KHSRP: variants seen among roughly 807,000 people sequenced by gnomAD.
KHSRP encodes far upstream element-binding protein 2.
In KHSRP, 13 loss-of-function variants were observed where a neutral mutation model predicts 94.9. The observed-to-expected ratio is 0.14, with a 90% CI of 0.09 to 0.22. The LOEUF is 0.22. KHSRP is among the 10% of genes least tolerant of loss of function. The pLI, the probability that KHSRP is intolerant of heterozygous loss-of-function variation, is 1.00. For missense variants in KHSRP, 710 were observed against 1,010.0 expected, an observed-to-expected ratio of 0.70 and a Z score of 4.03; for synonymous variants, 495 against 401.4, an observed-to-expected ratio of 1.23 and a Z score of -2.79.
Position 6,415,438 on chromosome 19 carries a change from G to A in KHSRP, c.1908C>T (p.Pro636=), listed in dbSNP as rs772649819. Residue 636 remains proline (P), a synonymous_variant, in exon 18 of 19, where the codon CCC becomes CCT. Coordinates refer to ENST00000600480, the MANE Select transcript of KHSRP (RefSeq NM_001366299.1). Reference sequence around the variant, plus strand: ...TGTAGTCCTGCTGTGGGGGTGCTCCGGGCTGCTGGGGCTGCTGGCCTGTGC... The same window carrying A: ...TGTAGTCCTGCTGTGGGGGTGCTCCAGGCTGCTGGGGCTGCTGGCCTGTGC... ...YKKIGQQPQQ[P]GAPPQQDYTK... 52 of 1,565,390 alleles carry A rather than the reference G, an allele frequency of 3.3e-5. No homozygotes were observed. The highest frequency in any genetic ancestry group is 8.1e-5 in the African/African-American group (6 of 73,734).
chr19:6,421,485 C>T (rs1343175521), intron 3 of KHSRP, 165 bp downstream of exon 3: 4 of 1,002,918 alleles, frequency 4.0e-6, no homozygotes, highest in Non-Finnish European at 6.1e-6. Context: ...AGCTCATCTC[C>T]CTCAATTTCA....
At chr19:6,417,954 G>A (rs371343408) in intron 10 of KHSRP, 27 bp downstream of exon 10, 61 of 1,608,422 alleles carry the variant, frequency 3.8e-5, no homozygotes, top group Non-Finnish European at 5.0e-5. Context: ...CGGGGGAGAG[G>A]GGGGTGAAGG....
In KHSRP at chr19:6,413,420, T is replaced by C; in HGVS notation, c.*1604A>G. On this transcript the variant is annotated 3_prime_UTR_variant, in exon 19 of 19. Transcript: ENST00000600480. Reference sequence around the variant, plus strand: ...AGTAAAAACTGCCATACAATTTTTTTTGTTGTTCTCATTTTGTTTTCAGTT... The same window carrying C: ...AGTAAAAACTGCCATACAATTTTTTCTGTTGTTCTCATTTTGTTTTCAGTT... The C allele has an allele frequency of 2.4e-6, 1 of 415,100 alleles. No individual in the cohort carries two copies. Among genetic ancestry groups the C allele is most frequent in the South Asian group, 1.7e-5 (1 of 59,650 alleles). The allele number at this position is 415,100 out of a possible 1,614,324, so 25.7% of individuals were successfully genotyped here. A position where few individuals can be genotyped will look rare whatever the true frequency, so the allele number is the denominator to read the frequency against.
chr19:6,417,197 C>T (rs1029566159), intron 11 of KHSRP, 110 bp from the exon 12 acceptor site: 15 of 773,612 alleles, frequency 1.9e-5, no homozygotes, highest in Middle Eastern at 3.8e-4. Flanking sequence ...AGATCTCAGA[C>T]GCGCTGCGCC....
At position 6,416,625 on chromosome 19, in the gene KHSRP, G is replaced by A; in HGVS notation, c.1353C>T (p.Asn451=). The change falls in exon 14 of 19, where the codon AAC becomes AAT. Residue 451 remains asparagine, a synonymous_variant. Coordinates refer to ENST00000600480, the MANE Select transcript of KHSRP (RefSeq NM_001366299.1). ...GRGGENVKAI[N]QQTGAFVEIS... is the part of the protein sequence containing the mutation. ...TCTCTACGAAGGCTCCCGTCTGCTGGTTTATGGCTTTCACATTCTCGCCAC... is the reference window on the plus strand; with the variant it reads ...TCTCTACGAAGGCTCCCGTCTGCTGATTTATGGCTTTCACATTCTCGCCAC... 1 of 1,613,916 alleles carries A rather than the reference G, an allele frequency of 6.2e-7. No individual in the cohort carries two copies. Among genetic ancestry groups the A allele is most frequent in the Non-Finnish European group, 8.5e-7 (1 of 1,179,810 alleles).
Position 6,418,671 on chromosome 19 carries a change from G to A in KHSRP, c.780+31C>T, listed in dbSNP as rs1213411889. 1 of 1,613,774 alleles carries A rather than the reference G, an allele frequency of 6.2e-7. No homozygotes were observed. Among genetic ancestry groups the A allele is most frequent in the Non-Finnish European group, 8.5e-7 (1 of 1,179,736 alleles). On this transcript the variant is annotated intron_variant, in intron 8 of 18. Coordinates refer to ENST00000600480, the MANE Select transcript of KHSRP (RefSeq NM_001366299.1). The surrounding 1 kb of genome is among the most constrained non-coding windows in gnomAD (Gnocchi z 4.3). ...TGGCGGTGGGGTGTGGCACACGGAT[G>A]CAGAGGAAGCTGCCCAGGTGCTGCC...
intron 1 of KHSRP, among the ~76,000 whole-genome samples, chr19:6,422,789 C>G (rs976920180): frequency 6.6e-6 from 1 of 152,164 alleles, no homozygotes; most frequent in East Asian, 1.9e-4. Flanking sequence ...AGCTTTCAGA[C>G]ACTTCCTCCT....
At chr19:6,423,599 CAAGGGTG>C (rs2092208262) in intron 1 of KHSRP, among the ~76,000 whole-genome samples, 1 of 152,218 alleles carries the variant, frequency 6.6e-6, no homozygotes, top group East Asian at 1.9e-4. Context: ...CACCCAACTC[CAAGGGTG>C]AGAGAGACGA....
chr19:6,423,634 G>C lies in KHSRP; in HGVS notation c.249+819C>G, dbSNP rs149071113. ...AGAGACGACAGAGGGCCAGAACACA[G>C]GCGTTCACTTAACGGGACCTCCCAC... On this transcript the variant is annotated intron_variant, in intron 1 of 18. Transcript: ENST00000600480. 2.8e-4 allele frequency among the ~76,000 whole-genome samples: 42 copies of C among 152,314 alleles called. 1 individual carries two copies. The highest frequency in any genetic ancestry group is 9.9e-4 in the African/African-American group (41 of 41,578).
intron 1 of KHSRP, among the ~76,000 whole-genome samples, chr19:6,422,731 AG>A (rs1291005938): frequency 3.3e-5 from 5 of 152,124 alleles, no homozygotes; most frequent in Non-Finnish European, 7.4e-5. Context: ...AGGGGTGACA[AG>A]GAACAGAGGC....
Position 6,422,353 on chromosome 19 carries a change from C to T in KHSRP, c.333G>A (p.Gln111=), listed in dbSNP as rs1435186990. ...GCAGGGAGTTACCTCCATCTTCCAA[C>T]TGTCTCTTTTGGCCCCCAAAACCAA... ...PDFGFGGQKR[Q]LEDGDQPESK... The change falls in exon 2 of 19, where the codon CAG becomes CAA. Residue 111 remains glutamine, a synonymous_variant. Transcript: ENST00000600480. The T allele has an allele frequency of 6.2e-7, 1 of 1,612,830 alleles. No homozygotes were observed. The highest frequency in any genetic ancestry group is 8.5e-7 in the Non-Finnish European group (1 of 1,178,842).
Position 6,414,892 on chromosome 19 carries a change from A to G in KHSRP, c.*132T>C. ...AGTCTCAGCGCTCCCCAGCATCACGACAGCGGCACACAGGAACAAGCAGCC... is the reference window on the plus strand; with the variant it reads ...AGTCTCAGCGCTCCCCAGCATCACGGCAGCGGCACACAGGAACAAGCAGCC... On this transcript the variant is annotated 3_prime_UTR_variant, in exon 19 of 19. Transcript: ENST00000600480. The G allele has an allele frequency of 7.3e-7, 1 of 1,370,316 alleles. No homozygotes were observed. The highest frequency in any genetic ancestry group is 9.4e-7 in the Non-Finnish European group (1 of 1,065,854). The allele number at this position is 1,370,316 out of a possible 1,614,324, so 84.9% of individuals were successfully genotyped here. A position where few individuals can be genotyped will look rare whatever the true frequency, so the allele number is the denominator to read the frequency against.
In KHSRP at chr19:6,418,895, G is replaced by A. The variant is rs891685207; in HGVS notation, c.606-19C>T. The A allele has an allele frequency of 2.6e-6, 4 of 1,528,382 alleles. No individual in the cohort carries two copies. The highest frequency in any genetic ancestry group is 3.5e-6 in the Non-Finnish European group (4 of 1,144,584). 94.7% of individuals were successfully genotyped at this position (1,528,382 alleles called of 1,614,324 possible). The stretch of plus-strand genomic sequence containing the variant: ...GGCTTTCCTGGGAAGGGGAGGAGCG[G>A]GGGATGAGCGGGTGCCACCGCTGGA... On this transcript the variant is annotated intron_variant, in intron 7 of 18. Coordinates refer to ENST00000600480, the MANE Select transcript of KHSRP (RefSeq NM_001366299.1). The surrounding 1 kb of genome is among the most constrained non-coding windows in gnomAD (Gnocchi z 4.3).
Position 6,424,784 on chromosome 19 carries a change from C to T in KHSRP, c.-83G>A, listed in dbSNP as rs1351783161. The T allele has an allele frequency of 6.4e-6, 3 of 468,620 alleles. No individual in the cohort carries two copies. Among genetic ancestry groups the T allele is most frequent in the Admixed American group, 1.3e-4 (2 of 15,928 alleles). 29.0% of individuals were successfully genotyped at this position (468,620 alleles called of 1,614,324 possible). ...CGGCGGCTCAACGCGGGAACAAGGC[C>T]TCGCTCCACACGGCCGCGGAGCACT... On this transcript the variant is annotated 5_prime_UTR_variant, in exon 1 of 19. Transcript: ENST00000600480.
Position 6,418,091 on chromosome 19 carries a change from C to A in KHSRP, c.880-12G>T, listed in dbSNP as rs527799372. The A allele has an allele frequency of 1.4e-4, 233 of 1,612,842 alleles. No individual in the cohort carries two copies. The highest frequency in any genetic ancestry group is 3.0e-4 in the Admixed American group (18 of 59,988). On this transcript the variant is annotated splice_polypyrimidine_tract_variant and intron_variant, in intron 9 of 18. Coordinates refer to ENST00000600480, the MANE Select transcript of KHSRP (RefSeq NM_001366299.1). The surrounding 1 kb of genome is among the most constrained non-coding windows in gnomAD (Gnocchi z 4.3). ...ATCTCACAGGCTTGCTGCAAACACA[C>A]AGGAAGCAGCCCCCATGGGTGAGCC...
chr19:6,418,415 GACCGCTGGCCCTGCCC>G lies in KHSRP; in HGVS notation c.879+52_879+67del. Reference sequence around the variant, plus strand: ...CTCTCTGGCGGAATGCAGACCCCGAGACCGCTGGCCCTGCCCACCTGCCCGTGCCTCTCCAGAACCC... The same window carrying G: ...CTCTCTGGCGGAATGCAGACCCCGAGACCTGCCCGTGCCTCTCCAGAACCC... On this transcript the variant is annotated intron_variant, in intron 9 of 18. Coordinates refer to ENST00000600480, the MANE Select transcript of KHSRP (RefSeq NM_001366299.1). This position sits in a 1 kb window ranked among gnomAD's most constrained non-coding sequence, Gnocchi z 4.3. The G allele has an allele frequency of 8.7e-7, 1 of 1,146,772 alleles. No homozygotes were observed. Among genetic ancestry groups the G allele is most frequent in the Non-Finnish European group, 1.3e-6 (1 of 769,214 alleles). The allele number at this position is 1,146,772 out of a possible 1,614,324, so 71.0% of individuals were successfully genotyped here.
At chr19:6,415,968 G>T (rs908946316) in intron 15 of KHSRP, 72 bp from the exon 16 acceptor site, 2 of 1,015,328 alleles carry the variant, frequency 2.0e-6, no homozygotes, top group African/African-American at 1.6e-5. Flanking sequence ...CTGGGGTGGG[G>T]ATGTTTTTCA....
In KHSRP at chr19:6,414,155, CGGGGAGGGAAGGGTGGGAGACTAG is replaced by C; in HGVS notation, c.*845_*868del. The C allele has an allele frequency of 1.8e-6, 1 of 551,122 alleles. No individual in the cohort carries two copies. Among genetic ancestry groups the C allele is most frequent in the South Asian group, 1.6e-5 (1 of 62,252 alleles). The allele number at this position is 551,122 out of a possible 1,614,324, so 34.1% of individuals were successfully genotyped here. On this transcript the variant is annotated 3_prime_UTR_variant, in exon 19 of 19. Transcript: ENST00000600480. ...GGGAAGAGATAGGAATTGGTCACTA[CGGGGAGGGAAGGGTGGGAGACTAG>C]GGGGCGGAAGAGAGGAGGGGCTGGA...
At chr19:6,421,198 C>G in intron 4 of KHSRP, 80 bp downstream of exon 4, 4 of 1,348,116 alleles carry the variant, frequency 3.0e-6, no homozygotes, top group East Asian at 2.5e-5. Context: ...TGCCCCCAGT[C>G]AGAGCCCTCC....
Sources: gnomAD v4.1 joint callset for allele counts (sites outside exome capture counted in the v4.1 genomes callset) on GRCh38, gnomAD v4.1.1 for gene constraint, Gnocchi (gnomAD v3.1) non-coding constraint, MANE v1.5 for transcripts, NCBI Gene and HGNC (gene_info 2026-07-23, HGNC 2026-07-21) for gene names.